The following SNRK variants were observed in gnomAD, a reference collection of about 807,000 sequenced individuals.
SNRK encodes the protein SNF related kinase.
In SNRK, 3 loss-of-function variants were observed where a neutral mutation model predicts 48.2. The observed-to-expected ratio is 0.06, with a 90% CI of 0.03 to 0.16. The LOEUF (loss-of-function observed/expected upper bound fraction) is 0.16, where lower values mean the gene tolerates loss of function less well. SNRK is among the 10% of genes least tolerant of loss of function. SNRK has a pLI of 1.00. For missense variants in SNRK, 627 were observed against 976.0 expected, an observed-to-expected ratio of 0.64 and a Z score of 4.76; for synonymous variants, 376 against 366.1, an observed-to-expected ratio of 1.03 and a Z score of -0.31.
Position 43,302,638 on chromosome 3 carries a change from ATT to A in SNRK, c.-106-444_-106-443del, listed in dbSNP as rs200971249. Among the ~76,000 whole-genome samples the A allele has an allele frequency of 4.1e-3, 543 of 133,522 alleles. 1 individual carries two copies. Among genetic ancestry groups the A allele is most frequent in the African/African-American group, 0.012 (449 of 36,540 alleles). 87.6% of individuals were successfully genotyped at this position (133,522 alleles called of 152,430 possible). A position where few individuals can be genotyped will look rare whatever the true frequency, so the allele number is the denominator to read the frequency against. On this transcript the variant is annotated intron_variant, in intron 2 of 6. Transcript: ENST00000296088. ...AGTTAGAGAAACCTTCACAGAATGG[ATT>A]TTTTTTTTTTTTTTTGCACTTAAAG... is the stretch of plus-strand genomic sequence containing the variant.
intron 3 of SNRK, among the ~76,000 whole-genome samples, chr3:43,316,821 C>G (rs1314380958): frequency 6.6e-6 from 1 of 151,892 alleles, no homozygotes; most frequent in Non-Finnish European, 1.5e-5. Context: ...TTCCTCTTCC[C>G]TGAGGAGCCC....
intron 6 of SNRK, among the ~76,000 whole-genome samples, chr3:43,345,472 C>G (rs2091268307): frequency 1.3e-5 from 2 of 152,164 alleles, no homozygotes; most frequent in Admixed American, 6.5e-5. Flanking sequence ...AGTGGGTAGT[C>G]TGGAAGAATT....
chr3:43,292,741 C>G (rs2090822492), intron 1 of SNRK, among the ~76,000 whole-genome samples: 1 of 152,234 alleles, frequency 6.6e-6, no homozygotes. Context: ...AAGCCCTGGT[C>G]TGTGGGCTGC....
At chr3:43,289,945 C>T (rs1196792035) in intron 1 of SNRK, among the ~76,000 whole-genome samples, 1 of 152,158 alleles carries the variant, frequency 6.6e-6, no homozygotes, top group Non-Finnish European at 1.5e-5. Context: ...TCTTCAGGCC[C>T]AAAGCAAGAT....
Position 43,343,481 on chromosome 3 carries a change from G to A in SNRK, c.1079+3G>A, listed in dbSNP as rs770247553. 4 of 1,603,838 alleles carry A rather than the reference G, an allele frequency of 2.5e-6. 1 individual carries two copies. In the South Asian group the frequency reaches 3.4e-5, roughly 13 times the overall value. On this transcript the variant is annotated splice_donor_region_variant and intron_variant, in intron 6 of 6. Transcript: ENST00000296088. ...AGCAATATCAAGGCCCAGTTTAGGT[G>A]AGAAAAAAATCTTCACTGATTTTAG...
At position 43,303,245 on chromosome 3, in the gene SNRK, A is replaced by T; in HGVS notation, c.42A>T (p.Gly14=). The stretch of plus-strand genomic sequence containing the variant: ...GAGGGTATGATGGAAAGATTGCTGG[A>T]TTATATGATCTGGATAAAACCTTGG... The part of the protein sequence containing the change: ...FKRGYDGKIA[G]LYDLDKTLGR... The change falls in exon 3 of 7, where the codon GGA becomes GGT. Residue 14 remains glycine (G), a synonymous_variant. Coordinates refer to ENST00000296088, the MANE Select transcript of SNRK (RefSeq NM_017719.5). The surrounding 1 kb of genome is among the most constrained non-coding windows in gnomAD (Gnocchi z 6.2). 1.2e-6 allele frequency: 2 copies of T among 1,614,164 alleles called. No homozygotes were observed. Among genetic ancestry groups the T allele is most frequent in the Non-Finnish European group, 1.7e-6 (2 of 1,180,024 alleles).
At chr3:43,325,956 C>T (rs1033624603) in intron 3 of SNRK, among the ~76,000 whole-genome samples, 1 of 152,038 alleles carries the variant, frequency 6.6e-6, no homozygotes, top group Non-Finnish European at 1.5e-5. Flanking sequence ...ATGTTTTCGC[C>T]ATCTTATCTT....
At chr3:43,290,546 CATCCTT>C (rs1392693006) in intron 1 of SNRK, among the ~76,000 whole-genome samples, 1 of 152,208 alleles carries the variant, frequency 6.6e-6, no homozygotes, top group African/African-American at 2.4e-5. Flanking sequence ...TCCTCCACAA[CATCCTT>C]ATCATCACTG....
Position 43,347,620 on chromosome 3 carries a change from A to G in SNRK, c.1361A>G (p.Glu454Gly). 6.2e-7 allele frequency: 1 copy of G among 1,613,978 alleles called. No individual in the cohort carries two copies. The highest frequency in any genetic ancestry group is 8.5e-7 in the Non-Finnish European group (1 of 1,180,030). Residue 454 changes from glutamate (E) to glycine (G), a missense_variant, in exon 7 of 7, where the codon GAG (glutamate) becomes GGG (glycine). Physicochemically the swap from Glu to Gly is moderately conservative, Grantham distance 98. This residue lies in a region of SNRK where 175 missense variants were observed against 209.7 expected (regional missense o/e 0.83). Coordinates refer to ENST00000296088, the MANE Select transcript of SNRK (RefSeq NM_017719.5). This position sits in a 1 kb window ranked among gnomAD's most constrained non-coding sequence, Gnocchi z 5.4. ...GAAGAAGATGAAGAGGAAGATGAGG[A>G]GGACAAGAAACCCATGTCCCTCTCA... ...RVEEDEEEDE[E>G]DKKPMSLSTQ...
chr3:43,316,983 G>A (rs550596680), intron 3 of SNRK, among the ~76,000 whole-genome samples: 177 of 152,142 alleles, frequency 1.2e-3, no homozygotes, highest in African/African-American at 4.2e-3. Flanking sequence ...AGGGCTCTTA[G>A]TGCTTTTAAC....
At chr3:43,307,460 C>CAAA (rs2090946494) in intron 3 of SNRK, among the ~76,000 whole-genome samples, 1 of 152,154 alleles carries the variant, frequency 6.6e-6, no homozygotes, top group Non-Finnish European at 1.5e-5. Flanking sequence ...ACCATTTTTG[C>CAAA]AACAGCATAT....
At chr3:43,306,007 C>G (rs1166769450) in intron 3 of SNRK, among the ~76,000 whole-genome samples, 2 of 151,862 alleles carry the variant, frequency 1.3e-5, no homozygotes, top group Non-Finnish European at 2.9e-5. Flanking sequence ...CCTTTTTCTT[C>G]CCCCCTTATG....
At chr3:43,339,807 T>A (rs1285020378) in intron 4 of SNRK, among the ~76,000 whole-genome samples, 1 of 113,662 alleles carries the variant, frequency 8.8e-6, no homozygotes, top group Non-Finnish European at 1.8e-5. Flanking sequence ...GGAGTGGGAC[T>A]CCATTTCCAA....
Position 43,303,094 on chromosome 3 carries a change from G to T in SNRK, c.-106-4G>T. ...TTAATTTTGTTTCTCTTCTTATTTTGTAGATATCCATGACGACATTGAAAA... is the reference window on the plus strand; with the variant it reads ...TTAATTTTGTTTCTCTTCTTATTTTTTAGATATCCATGACGACATTGAAAA... On this transcript the variant is annotated splice_polypyrimidine_tract_variant and splice_region_variant and intron_variant, in intron 2 of 6. Transcript: ENST00000296088. This position sits in a 1 kb window ranked among gnomAD's most constrained non-coding sequence, Gnocchi z 6.2. The T allele has an allele frequency of 1.5e-6, 1 of 656,760 alleles. No homozygotes were observed. 40.7% of individuals were successfully genotyped at this position (656,760 alleles called of 1,614,324 possible).
Position 43,347,036 on chromosome 3 carries a change from A to T in SNRK, c.1080-303A>T, listed in dbSNP as rs1164811087. 1.6e-5 allele frequency: 4 copies of T among 253,602 alleles called. No individual in the cohort carries two copies. The East Asian group carries it at 3.1e-4, about 20-fold the overall frequency. 15.7% of individuals were successfully genotyped at this position (253,602 alleles called of 1,614,324 possible). On this transcript the variant is annotated intron_variant, in intron 6 of 6. Transcript: ENST00000296088. This position sits in a 1 kb window ranked among gnomAD's most constrained non-coding sequence, Gnocchi z 5.4. ...AATAACCTCCATGGGCTTCTAAAAA[A>T]TGTTTAGTATAAAGCTTTTGTATAG...
chr3:43,290,063 A>G (rs762365883), intron 1 of SNRK, among the ~76,000 whole-genome samples: 1 of 152,238 alleles, frequency 6.6e-6, no homozygotes, highest in Non-Finnish European at 1.5e-5. Flanking sequence ...TACACAACAT[A>G]ACGGTGGTCA....
At chr3:43,332,378 A>G (rs1462666639) in intron 4 of SNRK, 68 bp downstream of exon 4, 3 of 1,131,450 alleles carry the variant, frequency 2.7e-6, no homozygotes, top group Admixed American at 3.2e-5. Context: ...AATTCCATTA[A>G]TATGTCAAGA....
chr3:43,331,372 T>C (rs1284297712), intron 3 of SNRK, among the ~76,000 whole-genome samples: 1 of 152,222 alleles, frequency 6.6e-6, no homozygotes, highest in Non-Finnish European at 1.5e-5. Flanking sequence ...AGGAGTTGTT[T>C]GTTACTGTCA....
intron 4 of SNRK, among the ~76,000 whole-genome samples, chr3:43,334,620 A>G (rs1325384465): frequency 6.8e-6 from 1 of 146,290 alleles, no homozygotes; most frequent in African/African-American, 2.5e-5. Context: ...TTTGAGATGG[A>G]GTCTAGTGGT....
Sources: gnomAD v4.1 joint callset for allele counts (sites outside exome capture counted in the v4.1 genomes callset) on GRCh38, gnomAD v4.1.1 for gene constraint, gnomAD v4.1.1 regional missense constraint, Gnocchi (gnomAD v3.1) non-coding constraint, MANE v1.5 for transcripts, NCBI Gene and HGNC (gene_info 2026-07-23, HGNC 2026-07-21) for gene names.